The following LRSAM1 variants were observed in gnomAD, a reference collection of about 807,000 sequenced individuals.
LRSAM1 encodes the protein E3 ubiquitin-protein ligase LRSAM1.
In LRSAM1, 96 loss-of-function variants were observed where a neutral mutation model predicts 118.1. That is an observed-to-expected ratio of 0.81 (90% CI 0.69 to 0.96). The LOEUF is 0.96. Ranked by LOEUF, LRSAM1 falls within the 40% of genes least tolerant of loss-of-function variation. LRSAM1 has a pLI of 0.00. For synonymous variants in LRSAM1, 322 were observed against 364.2 expected (o/e 0.88, Z 1.32); for missense variants, 804 against 915.5 (o/e 0.88, Z 1.57).
chr9:127,488,988 C>A (rs1009500425), intron 18 of LRSAM1, among the ~76,000 whole-genome samples: 2 of 152,158 alleles, frequency 1.3e-5, no homozygotes, highest in Non-Finnish European at 2.9e-5. Flanking sequence ...CACCCTGCTC[C>A]TTTCTCCCTA....
At chr9:127,480,049 T>A in intron 14 of LRSAM1, 71 bp downstream of exon 14, 1 of 1,602,308 alleles carries the variant, frequency 6.2e-7, no homozygotes, top group Admixed American at 1.7e-5. Context: ...CCGGGAGGAG[T>A]GTGTTTCTCC....
At chr9:127,452,183 C>T (rs1288727980) in intron 2 of LRSAM1, 99 bp downstream of exon 2, 1 of 152,352 alleles carries the variant, frequency 6.6e-6, no homozygotes, top group Non-Finnish European at 1.5e-5. Context: ...TGTGGGGCAG[C>T]CTGGAAAGAA....
At chr9:127,483,310 C>T (rs909099699) in intron 16 of LRSAM1, among the ~76,000 whole-genome samples, 1 of 152,110 alleles carries the variant, frequency 6.6e-6, no homozygotes, top group African/African-American at 2.4e-5. Context: ...GGCCAGGTGT[C>T]GGGGCTCATG....
Position 127,457,387 on chromosome 9 carries a change from C to T in LRSAM1, c.246C>T (p.Thr82=), listed in dbSNP as rs1168027198. The T allele has an allele frequency of 6.2e-7, 1 of 1,614,176 alleles. No individual in the cohort carries two copies. Among genetic ancestry groups the T allele is most frequent in the Admixed American group, 1.7e-5 (1 of 60,026 alleles). The change falls in exon 6 of 26, where the codon ACC becomes ACT. Residue 82 remains threonine (T), a synonymous_variant. Transcript: ENST00000300417. ...PKSCSLLSLA[T]IKVLDLHDNQ... ...CCTGCAGCCTCCTGAGTCTGGCAAC[C>T]ATCAAGGTACTGGGCCCTCCTCCCA...
At chr9:127,499,197 A>AC (rs1229736892) in intron 24 of LRSAM1, among the ~76,000 whole-genome samples, 11 of 151,978 alleles carry the variant, frequency 7.2e-5, no homozygotes, top group Middle Eastern at 3.4e-3. Context: ...ACATAGGGAG[A>AC]CCCCTTCTCT....
Position 127,458,906 on chromosome 9 carries a change from G to T in LRSAM1, c.253-97G>T, listed in dbSNP as rs1834628464. 7 of 1,120,508 alleles carry T rather than the reference G, an allele frequency of 6.2e-6. 1 individual carries two copies. Among genetic ancestry groups the T allele is most frequent in the Middle Eastern group, 3.9e-4 (2 of 5,154 alleles). 69.4% of individuals were successfully genotyped at this position (1,120,508 alleles called of 1,614,324 possible). A position where few individuals can be genotyped will look rare whatever the true frequency, so the allele number is the denominator to read the frequency against. On this transcript the variant is annotated intron_variant, in intron 6 of 25. Transcript: ENST00000300417. ...TGGCAGGCACTCTGTTTCTGCACTG[G>T]GGGTGTGAGGTGGCCCCAGCCCCTC...
intron 20 of LRSAM1, 81 bp downstream of exon 20, chr9:127,491,376 C>T (rs922242572): frequency 2.2e-5 from 25 of 1,116,584 alleles, no homozygotes; most frequent in Non-Finnish European, 3.1e-5. Flanking sequence ...CTGGCAGCTG[C>T]TCACCAGCCC....
intron 23 of LRSAM1, 55 bp from the exon 24 acceptor site, chr9:127,497,198 C>G: frequency 3.2e-6 from 5 of 1,583,972 alleles, no homozygotes; most frequent in Non-Finnish European, 4.3e-6. Flanking sequence ...GTGGCTCACA[C>G]CATTTAGCGG....
chr9:127,481,353 A>C, intron 15 of LRSAM1, 126 bp downstream of exon 15: 1 of 946,832 alleles, frequency 1.1e-6, no homozygotes, highest in African/African-American at 1.6e-5. Flanking sequence ...CCCAGGTCCA[A>C]GCAATTCCCC....
chr9:127,479,702 T>C, intron 13 of LRSAM1, 137 bp from the exon 14 acceptor site: 1 of 1,351,884 alleles, frequency 7.4e-7, no homozygotes, highest in Non-Finnish European at 1.0e-6. Context: ...TGTAGCCTAC[T>C]GGGAGGAGCT....
At chr9:127,467,942 C>T (rs927690600) in intron 10 of LRSAM1, 112 bp downstream of exon 10, 4 of 1,048,642 alleles carry the variant, frequency 3.8e-6, no homozygotes, top group Non-Finnish European at 5.7e-6. Flanking sequence ...ACAGTGCCTA[C>T]CTGCTTGGAG....
At chr9:127,502,708 A>G in intron 25 of LRSAM1, 66 bp from the exon 26 acceptor site, 2 of 1,482,610 alleles carry the variant, frequency 1.3e-6, no homozygotes, top group African/African-American at 1.4e-5. Context: ...AAAAAAAAAA[A>G]AAGACGGGCC....
upstream of LRSAM1, chr9:127,451,492 G>T: frequency 1.4e-6 from 1 of 712,686 alleles, no homozygotes; most frequent in Non-Finnish European, 2.3e-6. Context: ...TTCCAGAGAC[G>T]CCCTTGTCGC....
intron 23 of LRSAM1, among the ~76,000 whole-genome samples, 197 bp from the exon 24 acceptor site, chr9:127,497,056 C>T (rs1239300268): frequency 6.6e-6 from 1 of 152,260 alleles, no homozygotes; most frequent in Non-Finnish European, 1.5e-5. Context: ...TGGGCTGAGG[C>T]CTGGGGAGGT....
At chr9:127,468,922 G>A (rs969175153) in intron 10 of LRSAM1, among the ~76,000 whole-genome samples, 1 of 151,828 alleles carries the variant, frequency 6.6e-6, no homozygotes, top group Non-Finnish European at 1.5e-5. Flanking sequence ...CTGAGCTGTG[G>A]TCATGCCACT....
At chr9:127,494,998 C>G (rs992879199) in intron 21 of LRSAM1, among the ~76,000 whole-genome samples, 1 of 152,194 alleles carries the variant, frequency 6.6e-6, no homozygotes, top group Non-Finnish European at 1.5e-5. Flanking sequence ...GTTGCCCAGG[C>G]TGGAGTGCAG....
At chr9:127,458,358 C>T (rs1307038804) in intron 6 of LRSAM1, among the ~76,000 whole-genome samples, 3 of 149,156 alleles carry the variant, frequency 2.0e-5, no homozygotes, top group East Asian at 1.9e-4. Context: ...GTCCGCAGTC[C>T]GGCGTGGGCG....
chr9:127,452,965 G>C (rs931419236), intron 2 of LRSAM1, among the ~76,000 whole-genome samples: 1 of 152,232 alleles, frequency 6.6e-6, no homozygotes, highest in Non-Finnish European at 1.5e-5. Context: ...TGAGCACCAA[G>C]CAGTCGGGCA....
intron 10 of LRSAM1, among the ~76,000 whole-genome samples, chr9:127,471,472 TAAAAAAA>T (rs71380064): frequency 1.0e-4 from 7 of 68,032 alleles, no homozygotes; most frequent in Admixed American, 6.3e-4. Context: ...CCTTATGTTA[TAAAAAAA>T]AAAAAAAAAA....
Sources: gnomAD v4.1 joint callset for allele counts (sites outside exome capture counted in the v4.1 genomes callset) on GRCh38, gnomAD v4.1.1 for gene constraint, MANE v1.5 for transcripts, NCBI Gene and HGNC (gene_info 2026-07-23, HGNC 2026-07-21) for gene names.